Variants in EBNA1BP2 observed in about 807,000 individuals in gnomAD.
EBNA1BP2 encodes EBNA1 binding protein 2.
EBNA1BP2 carries 36 observed loss-of-function variants against 43.5 expected under a neutral mutation model. That is an observed-to-expected ratio of 0.83 (90% confidence interval 0.63 to 1.09). The LOEUF (loss-of-function observed/expected upper bound fraction) is 1.09. Ranked by LOEUF, EBNA1BP2 falls within the 50% of genes least tolerant of loss-of-function variation. EBNA1BP2 has a pLI of 0.00. For synonymous variants in EBNA1BP2, 127 were observed against 141.3 expected (o/e 0.90, Z 0.72); for missense variants, 332 against 379.1 (o/e 0.88, Z 1.03).
intron 8 of EBNA1BP2, 30 bp from the exon 9 acceptor site, chr1:43,164,523 A>T (rs377680618): frequency 1.2e-6 from 2 of 1,614,054 alleles, no homozygotes; most frequent in Middle Eastern, 1.6e-4. Context: ...ACATCTGGTC[A>T]CATAGCAGCT....
At position 43,172,268 on chromosome 1, in the gene EBNA1BP2, C is replaced by A. The variant is rs1471771625; in HGVS notation, c.-150G>T. 2.6e-6 allele frequency: 4 copies of A among 1,554,068 alleles called. No individual in the cohort carries two copies. The highest frequency in any genetic ancestry group is 2.6e-6 in the Non-Finnish European group (3 of 1,148,042). On this transcript the variant is annotated 5_prime_UTR_variant, in exon 1 of 9. Coordinates refer to ENST00000236051, the MANE Select transcript of EBNA1BP2 (RefSeq NM_006824.3). Reference sequence around the variant, plus strand: ...CACGTGCCACCGAATCGCTCCAGCGCCAGCAACTCACAGCTACTGCTCAAC... The same window carrying A: ...CACGTGCCACCGAATCGCTCCAGCGACAGCAACTCACAGCTACTGCTCAAC...
At position 43,167,178 on chromosome 1, in the gene EBNA1BP2, T is replaced by A; in HGVS notation, c.595A>T (p.Ile199Phe). 1 of 1,614,174 alleles carries A rather than the reference T, an allele frequency of 6.2e-7. No homozygotes were observed. The highest frequency in any genetic ancestry group is 8.5e-7 in the Non-Finnish European group (1 of 1,180,030). ...TACCAACCTTTCTGATATTTCTTAA[T>A]AGCATTCATCATATGGGCTTTCTCC... ...QQEKAHMMNA[I>F]KKYQKGFSDK... The change falls in exon 6 of 9, where the codon ATT (isoleucine) becomes TTT (phenylalanine). Residue 199 changes from isoleucine to phenylalanine, a missense_variant. Physicochemically the swap from Ile to Phe is conservative, Grantham distance 21. Transcript: ENST00000236051.
chr1:43,171,068 T>A, intron 3 of EBNA1BP2, 189 bp from the exon 4 acceptor site: 1 of 793,812 alleles, frequency 1.3e-6, no homozygotes, highest in Non-Finnish European at 1.8e-6. Flanking sequence ...TACTAGTTTT[T>A]AAAAAGGGGA....
rs770096491 is a variant in EBNA1BP2 at position 43,171,417 on chromosome 1, C to T, written c.323+62G>A. 249 of 1,536,056 alleles carry T rather than the reference C, an allele frequency of 1.6e-4. No individual in the cohort carries two copies. In the Middle Eastern group the frequency reaches 2.8e-3, roughly 17 times the overall value. ...TCTGAGTGCAGACTTACTAATTTCCCCTCTTTCCCACTCTCCTGCACAAGG... is the reference window on the plus strand; with the variant it reads ...TCTGAGTGCAGACTTACTAATTTCCTCTCTTTCCCACTCTCCTGCACAAGG... On this transcript the variant is annotated intron_variant, in intron 3 of 8. Transcript: ENST00000236051.
intron 3 of EBNA1BP2, 178 bp from the exon 4 acceptor site, chr1:43,171,057 A>C (rs1644961462): frequency 1.1e-6 from 1 of 913,444 alleles, no homozygotes; most frequent in African/African-American, 1.8e-5. Flanking sequence ...ATGTAGCCGT[A>C]TACTAGTTTT....
Position 43,172,257 on chromosome 1 carries a change from T to C in EBNA1BP2, c.-139A>G. On this transcript the variant is annotated 5_prime_UTR_variant, in exon 1 of 9. Coordinates refer to ENST00000236051, the MANE Select transcript of EBNA1BP2 (RefSeq NM_006824.3). ...CGCCGTGGCTCCACGTGCCACCGAA[T>C]CGCTCCAGCGCCAGCAACTCACAGC... is the stretch of plus-strand genomic sequence containing the variant. 1.3e-6 allele frequency: 2 copies of C among 1,556,336 alleles called. No homozygotes were observed. Among genetic ancestry groups the C allele is most frequent in the Non-Finnish European group, 1.7e-6 (2 of 1,149,074 alleles).
At chr1:43,165,099 A>G (rs1371188733) in intron 7 of EBNA1BP2, among the ~76,000 whole-genome samples, 2 of 152,186 alleles carry the variant, frequency 1.3e-5, no homozygotes, top group Non-Finnish European at 2.9e-5. Flanking sequence ...TATTTTAACC[A>G]AATCTTATTA....
intron 4 of EBNA1BP2, among the ~76,000 whole-genome samples, chr1:43,170,125 A>C (rs1328304705): frequency 6.6e-6 from 1 of 152,206 alleles, no homozygotes; most frequent in Non-Finnish European, 1.5e-5. Context: ...TCATGGATTC[A>C]ATGTAGTTCT....
At chr1:43,170,232 C>T (rs1045435479) in intron 4 of EBNA1BP2, among the ~76,000 whole-genome samples, 3 of 152,188 alleles carry the variant, frequency 2.0e-5, no homozygotes, top group Admixed American at 6.5e-5. Flanking sequence ...AGATGCTGAA[C>T]CCATGGCTAT....
In EBNA1BP2 at chr1:43,164,194, C is replaced by T; in HGVS notation, c.*249G>A. Reference sequence around the variant, plus strand: ...GGAAATGAGAAGGTGTCAGTTAAATCATTATTTATCATAAAATGAAGGCAA... The same window carrying T: ...GGAAATGAGAAGGTGTCAGTTAAATTATTATTTATCATAAAATGAAGGCAA... On this transcript the variant is annotated 3_prime_UTR_variant, in exon 9 of 9. Transcript: ENST00000236051. 1.9e-6 allele frequency: 1 copy of T among 514,290 alleles called. No individual in the cohort carries two copies. The highest frequency in any genetic ancestry group is 2.3e-5 in the South Asian group (1 of 43,318). The allele number at this position is 514,290 out of a possible 1,614,324, so 31.9% of individuals were successfully genotyped here. A position where few individuals can be genotyped will look rare whatever the true frequency, so the allele number is the denominator to read the frequency against.
upstream of EBNA1BP2, chr1:43,172,556 G>T: frequency 1.2e-6 from 1 of 824,312 alleles, no homozygotes; most frequent in Non-Finnish European, 1.8e-6. Context: ...GCGCGGAGGA[G>T]GACCCCGGGG....
Position 43,164,649 on chromosome 1 carries a change from C to A in EBNA1BP2, c.864G>T (p.Gly288=), listed in dbSNP as rs144683125. ...GRGLKRPGKK[G]SNKRPGKRTR... ...GGCACCTGGGCTCACTTACATTTGA[C>A]CCTTTCTTGCCAGGCCTCTTGAGGC... Residue 288 remains glycine, a synonymous_variant, in exon 8 of 9, where the codon GGG becomes GGT. Coordinates refer to ENST00000236051, the MANE Select transcript of EBNA1BP2 (RefSeq NM_006824.3). 15 of 1,614,166 alleles carry A rather than the reference C, an allele frequency of 9.3e-6. No homozygotes were observed. Among genetic ancestry groups the A allele is most frequent in the Non-Finnish European group, 1.2e-5 (14 of 1,180,024 alleles).
chr1:43,171,442 G>A, intron 3 of EBNA1BP2, 37 bp downstream of exon 3: 1 of 1,581,434 alleles, frequency 6.3e-7, no homozygotes, highest in Non-Finnish European at 8.6e-7. Context: ...CCTGCACAAG[G>A]ATCCTCAACT....
At chr1:43,165,058 C>T (rs1644909594) in intron 7 of EBNA1BP2, among the ~76,000 whole-genome samples, 1 of 152,196 alleles carries the variant, frequency 6.6e-6, no homozygotes, top group Admixed American at 6.5e-5. Flanking sequence ...ACATATATTA[C>T]ATGGCTTCCT....
intron 3 of EBNA1BP2, 22 bp from the exon 4 acceptor site, chr1:43,170,901 G>A (rs757775805): frequency 1.3e-6 from 2 of 1,547,770 alleles, no homozygotes; most frequent in South Asian, 2.5e-5. Flanking sequence ...AGGACAAAAT[G>A]TGTAATGAGG....
intron 3 of EBNA1BP2, 194 bp from the exon 4 acceptor site, chr1:43,171,073 A>C: frequency 1.3e-6 from 1 of 746,638 alleles, no homozygotes; most frequent in Non-Finnish European, 1.9e-6. Flanking sequence ...GTTTTTAAAA[A>C]GGGGAGGGGT....
At chr1:43,171,369 G>C in intron 3 of EBNA1BP2, 110 bp downstream of exon 3, 2 of 1,331,266 alleles carry the variant, frequency 1.5e-6, no homozygotes, top group Non-Finnish European at 2.0e-6. Flanking sequence ...AAAAGAAGCC[G>C]CTCTCTCTAC....
At position 43,170,797 on chromosome 1, in the gene EBNA1BP2, A is replaced by T. The variant is rs1644955300; in HGVS notation, c.406T>A (p.Tyr136Asn). 3 of 1,607,834 alleles carry T rather than the reference A, an allele frequency of 1.9e-6. No homozygotes were observed. In the East Asian group the frequency reaches 6.8e-5, roughly 36 times the overall value. ...LKVPTKRPTD[Y>N]FAEMAKSDLQ... is the part of the protein sequence containing the mutation. ...TCAGATTTGGCCATTTCCGCAAAAT[A>T]ATCAGTGGGTCGCTTCGTAGGGACT... Residue 136 changes from tyrosine (Y) to asparagine (N), a missense_variant, in exon 4 of 9, where the codon TAT becomes AAT. By Grantham distance (143) the Tyr-to-Asn change is moderately radical. Transcript: ENST00000236051.
In EBNA1BP2 at chr1:43,164,266, C is replaced by G; in HGVS notation, c.*177G>C. 1 of 666,866 alleles carries G rather than the reference C, an allele frequency of 1.5e-6. No homozygotes were observed. 41.3% of individuals were successfully genotyped at this position (666,866 alleles called of 1,614,324 possible). A position where few individuals can be genotyped will look rare whatever the true frequency, so the allele number is the denominator to read the frequency against. Reference sequence around the variant, plus strand: ...ATCAATAGATAGCAATGGAAAGTAACTTCTCAATCTTTTAGTCTAGACTAT... The same window carrying G: ...ATCAATAGATAGCAATGGAAAGTAAGTTCTCAATCTTTTAGTCTAGACTAT... On this transcript the variant is annotated 3_prime_UTR_variant, in exon 9 of 9. Coordinates refer to ENST00000236051, the MANE Select transcript of EBNA1BP2 (RefSeq NM_006824.3).
Sources: allele counts gnomAD v4.1 joint callset (sites outside exome capture counted in the v4.1 genomes callset), GRCh38; gene constraint gnomAD v4.1.1; transcripts MANE v1.5; gene names NCBI Gene and HGNC (gene_info 2026-07-23, HGNC 2026-07-21).